TNFRSF11A: variants seen among roughly 807,000 people sequenced by gnomAD.
TNFRSF11A encodes the protein tumor necrosis factor receptor superfamily member 11A.
A neutral mutation model predicts 55.7 loss-of-function variants in TNFRSF11A; 32 were observed. The observed-to-expected ratio is 0.57, with a 90% CI of 0.43 to 0.77. The LOEUF (loss-of-function observed/expected upper bound fraction) is 0.77. Among genes scored for constraint, TNFRSF11A ranks in the 30% least tolerant of loss-of-function variants. TNFRSF11A has a pLI of 0.00. For synonymous variants in TNFRSF11A, 311 were observed against 331.0 expected (o/e 0.94, Z 0.65); for missense variants, 753 against 809.8 (o/e 0.93, Z 0.85).
At chr18:62,372,891 A>C (rs1910645834) in intron 9 of TNFRSF11A, 1 of 152,220 alleles carries the variant, frequency 6.6e-6, no homozygotes, top group Non-Finnish European at 1.5e-5. Context: ...CAGAATACCT[A>C]TTTGTTTTTC....
chr18:62,361,577 C>G, intron 6 of TNFRSF11A, 103 bp from the exon 7 acceptor site: 1 of 1,171,006 alleles, frequency 8.5e-7, no homozygotes, highest in Middle Eastern at 1.9e-4. Context: ...CTATCCCAGA[C>G]CAACATTTTT....
chr18:62,357,855 G>C (rs1163121101), intron 4 of TNFRSF11A: 2 of 279,926 alleles, frequency 7.1e-6, no homozygotes, highest in Non-Finnish European at 1.4e-5. Context: ...GGGAAAACAA[G>C]AGACAGATAG....
Position 62,368,767 on chromosome 18 carries a change from G to A in TNFRSF11A, c.850G>A (p.Gly284Ser), listed in dbSNP as rs12721431. 5.6e-6 allele frequency: 9 copies of A among 1,614,098 alleles called. No individual in the cohort carries two copies. The highest frequency in any genetic ancestry group is 7.6e-6 in the Non-Finnish European group (9 of 1,180,048). The part of the protein sequence containing the change: ...ANFGQQGACE[G>S]VLLLTLEEKT... ...CTTTGGTCAGCAGGGAGCATGTGAA[G>A]GTGTCTTACTGCTGACTCTGGAGGA... is the stretch of plus-strand genomic sequence containing the variant. The change falls in exon 9 of 10, where the codon GGT (glycine) becomes AGT (serine). Residue 284 changes from glycine (G) to serine (S), a missense_variant. Around this residue, in one of 3 missense-constraint regions of TNFRSF11A, gnomAD observed 567 missense variants for 596.7 expected, o/e 0.95. Transcript: ENST00000586569.
chr18:62,361,457 C>T (rs867877528), intron 6 of TNFRSF11A, among the ~76,000 whole-genome samples: 4 of 152,090 alleles, frequency 2.6e-5, no homozygotes, highest in East Asian at 1.9e-4. Context: ...GCTGCTCTCC[C>T]GTAGAGTGAA....
At chr18:62,341,883 T>C (rs2046316393) in intron 1 of TNFRSF11A, among the ~76,000 whole-genome samples, 1 of 137,904 alleles carries the variant, frequency 7.3e-6, no homozygotes, top group Non-Finnish European at 1.5e-5. Flanking sequence ...AGAAATGTAG[T>C]CAGTTTTATT....
At chr18:62,327,520 C>G (rs532113489) in intron 1 of TNFRSF11A, among the ~76,000 whole-genome samples, 48 of 152,266 alleles carry the variant, frequency 3.2e-4, no homozygotes, top group Middle Eastern at 6.8e-3. Context: ...ATAATATTTC[C>G]TAGAGATACT....
chr18:62,350,264 C>A (rs990709942), intron 3 of TNFRSF11A, among the ~76,000 whole-genome samples: 1 of 152,010 alleles, frequency 6.6e-6, no homozygotes, highest in Non-Finnish European at 1.5e-5. Context: ...ATACTTATCC[C>A]TTTTATTTTA....
At position 62,358,225 on chromosome 18, in the gene TNFRSF11A, GTTT is replaced by G. The variant is rs71160827; in HGVS notation, c.428-10_428-8del. On this transcript the variant is annotated intron_variant, in intron 4 of 9. Transcript: ENST00000586569. ...GTTTTTTGTTTGTTCTGTCTGGGTT[GTTT>G]TTTTTTTTTTTTCTCACAGTGCAGC... 1.3e-3 allele frequency: 1,825 copies of G among 1,456,394 alleles called. No individual in the cohort carries two copies. The highest frequency in any genetic ancestry group is 1.5e-3 in the Non-Finnish European group (1,597 of 1,067,118). The allele number at this position is 1,456,394 out of a possible 1,614,324, so 90.2% of individuals were successfully genotyped here.
At position 62,389,254 on chromosome 18, in the gene TNFRSF11A, CTG is replaced by C. The variant is rs1469387354; in HGVS notation, c.*4223_*4224del. On this transcript the variant is annotated 3_prime_UTR_variant, in exon 10 of 10. Coordinates refer to ENST00000586569, the MANE Select transcript of TNFRSF11A (RefSeq NM_003839.4). ...GAGGAGGCTTCTGGGAAGGGGCTGT[CTG>C]TGGAATTTCTGACCCCCAGAGCCCT... 1 of 152,342 alleles carries C rather than the reference CTG, an allele frequency of 6.6e-6. No individual in the cohort carries two copies. The highest frequency in any genetic ancestry group is 2.4e-5 in the African/African-American group (1 of 41,448). The allele number at this position is 152,342 out of a possible 1,614,324, so 9.4% of individuals were successfully genotyped here.
At chr18:62,380,224 G>C (rs1210603387) in intron 9 of TNFRSF11A, among the ~76,000 whole-genome samples, 1 of 152,214 alleles carries the variant, frequency 6.6e-6, no homozygotes, top group Non-Finnish European at 1.5e-5. Flanking sequence ...CGTATTGTGT[G>C]ATTGGCACAT....
intron 2 of TNFRSF11A, 104 bp from the exon 3 acceptor site, chr18:62,349,708 T>A: frequency 7.7e-7 from 1 of 1,304,248 alleles, no homozygotes; most frequent in South Asian, 1.2e-5. Context: ...CACCAATGAT[T>A]ATTGGTCCCA....
intron 8 of TNFRSF11A, among the ~76,000 whole-genome samples, 180 bp from the exon 9 acceptor site, chr18:62,368,521 T>C (rs1159594526): frequency 6.6e-6 from 1 of 152,252 alleles, no homozygotes; most frequent in Non-Finnish European, 1.5e-5. Flanking sequence ...TTGTATTCCA[T>C]TCTAGAGTTC....
intron 1 of TNFRSF11A, among the ~76,000 whole-genome samples, chr18:62,329,793 G>C (rs1009213332): frequency 8.5e-5 from 13 of 152,132 alleles, no homozygotes; most frequent in Admixed American, 2.6e-4. Flanking sequence ...CAGGCAGGCT[G>C]CCTGTCTGCC....
intron 1 of TNFRSF11A, among the ~76,000 whole-genome samples, chr18:62,331,597 A>AGCT (rs938180373): frequency 3.3e-5 from 5 of 152,212 alleles, no homozygotes; most frequent in African/African-American, 1.2e-4. Context: ...GTAGAGACAG[A>AGCT]GCTCTTAACA....
chr18:62,369,526 A>G (rs1462901312), intron 9 of TNFRSF11A, 42 bp downstream of exon 9: 1 of 1,597,480 alleles, frequency 6.3e-7, no homozygotes, highest in African/African-American at 1.3e-5. Flanking sequence ...CAGAAGGGCC[A>G]GTTCTTGGTA....
rs77857469 is a variant in TNFRSF11A at position 62,384,709 on chromosome 18, G to T, written c.1568-42G>T. 0.059 allele frequency: 95,107 copies of T among 1,600,796 alleles called. 3,625 individuals are homozygous for T. The highest frequency in any genetic ancestry group is 0.17 in the African/African-American group (12,347 of 74,572). On this transcript the variant is annotated intron_variant, in intron 9 of 9. Coordinates refer to ENST00000586569, the MANE Select transcript of TNFRSF11A (RefSeq NM_003839.4). ...CTCTCGGCAGACCCTGCCTCCGGGC[G>T]CTGACTCACCCTCCCCGTGTTCTCC...
intron 4 of TNFRSF11A, among the ~76,000 whole-genome samples, chr18:62,356,868 C>T (rs1909298176): frequency 6.6e-6 from 1 of 152,168 alleles, no homozygotes; most frequent in Non-Finnish European, 1.5e-5. Context: ...CAGGATGCTT[C>T]TGGCAGGTCA....
rs772511916 is a variant in TNFRSF11A at position 62,348,160 on chromosome 18, C to A, written c.76-8C>A. ...GGACTCTCTGCCTGACCTCAGTGTT[C>A]TTTTCAGGTGGCTTTGCAGATCGCT... On this transcript the variant is annotated splice_region_variant and splice_polypyrimidine_tract_variant and intron_variant, in intron 1 of 9. Coordinates refer to ENST00000586569, the MANE Select transcript of TNFRSF11A (RefSeq NM_003839.4). The A allele has an allele frequency of 1.9e-6, 3 of 1,610,966 alleles. No homozygotes were observed. The highest frequency in any genetic ancestry group is 1.3e-5 in the African/African-American group (1 of 74,626).
chr18:62,342,401 C>CAAAAAAAAAAAAAAAAAAAAAAA (rs371734407), intron 1 of TNFRSF11A, among the ~76,000 whole-genome samples: 9 of 62,228 alleles, frequency 1.4e-4, no homozygotes, highest in Admixed American at 3.9e-4. Context: ...GATTCTGTCT[C>CAAAAAAAAAAAAAAAAAAAAAAA]AAAAAAAAAA....
Sources: gnomAD v4.1 joint callset for allele counts (sites outside exome capture counted in the v4.1 genomes callset) on GRCh38, gnomAD v4.1.1 for gene constraint, gnomAD v4.1.1 regional missense constraint, MANE v1.5 for transcripts, NCBI Gene and HGNC (gene_info 2026-07-23, HGNC 2026-07-21) for gene names.